CTNNA2: variants seen among roughly 807,000 people sequenced by gnomAD.
CTNNA2 encodes catenin alpha-2.
Under a neutral mutation model 101.0 loss-of-function variants are expected in CTNNA2, and 42 were observed. That is an observed-to-expected ratio of 0.42 (90% CI 0.32 to 0.54). The LOEUF (loss-of-function observed/expected upper bound fraction) is 0.54, where lower values mean the gene tolerates loss of function less well. Ranked by LOEUF, CTNNA2 falls within the 20% of genes least tolerant of loss-of-function variation. The pLI is 0.14. For synonymous variants in CTNNA2, 450 were observed against 456.4 expected (o/e 0.99, Z 0.18); for missense variants, 871 against 1,223.1 (o/e 0.71, Z 4.29).
At chr2:79,411,614 T>G (rs559682203) in intron 4 of CTNNA2, among the ~76,000 whole-genome samples, 1 of 152,068 alleles carries the variant, frequency 6.6e-6, no homozygotes, top group Non-Finnish European at 1.5e-5. Flanking sequence ...GAAAAGAATT[T>G]TCAACCCAGA....
At chr2:79,680,561 A>G (rs1683495868) in intron 2 of CTNNA2, among the ~76,000 whole-genome samples, 1 of 152,184 alleles carries the variant, frequency 6.6e-6, no homozygotes, top group Admixed American at 6.5e-5. Context: ...AGCTGCTGGG[A>G]GTCAGGACCT....
intron 2 of CTNNA2, among the ~76,000 whole-genome samples, chr2:79,275,928 A>T (rs775235469): frequency 1.3e-5 from 2 of 152,058 alleles, no homozygotes; most frequent in Admixed American, 1.3e-4. Context: ...GTGTTACAGA[A>T]GAAAGGAGCA....
chr2:80,516,686 T>C (rs2149564108), intron 9 of CTNNA2, among the ~76,000 whole-genome samples: 1 of 152,354 alleles, frequency 6.6e-6, no homozygotes, highest in East Asian at 1.9e-4. Flanking sequence ...GAAAACAGGA[T>C]TAACCATTCA....
At chr2:80,211,778 G>A (rs944840595) in intron 7 of CTNNA2, among the ~76,000 whole-genome samples, 2 of 152,132 alleles carry the variant, frequency 1.3e-5, no homozygotes, top group Admixed American at 1.3e-4. Context: ...GCTTGATGGG[G>A]ATGGCATTGA....
chr2:80,448,797 C>A (rs928779518), intron 9 of CTNNA2, among the ~76,000 whole-genome samples: 1 of 152,042 alleles, frequency 6.6e-6, no homozygotes. Flanking sequence ...CTTCAGAAAA[C>A]CTGGAACCTA....
rs545335248 is a variant in CTNNA2, at chr2:79,647,995, C to T, written c.-5-3557C>T. ...TAAGCACATTCCAAATGTCTACTCA[C>T]GTCATATTTCTTAACATTCCTCTAG... On this transcript the variant is annotated intron_variant, in intron 1 of 18. Coordinates refer to ENST00000402739, the MANE Select transcript of CTNNA2 (RefSeq NM_001282597.3). Among the ~76,000 whole-genome samples the T allele has an allele frequency of 9.9e-5, 15 of 152,268 alleles. 1 individual carries two copies. In the South Asian group the frequency reaches 3.1e-3, roughly 32 times the overall value.
chr2:79,346,755 T>C (rs1203631190), intron 3 of CTNNA2, among the ~76,000 whole-genome samples: 1 of 152,252 alleles, frequency 6.6e-6, no homozygotes, highest in Non-Finnish European at 1.5e-5. Flanking sequence ...ACAAGTATGT[T>C]ATCCTTAGTT....
chr2:79,517,936 C>T (rs1188544928), intron 1 of CTNNA2, among the ~76,000 whole-genome samples: 2 of 152,068 alleles, frequency 1.3e-5, no homozygotes, highest in African/African-American at 4.8e-5. Flanking sequence ...CAGGTATGTT[C>T]CCCATACGTG....
rs61029469 is a variant in CTNNA2 at position 79,536,574 on chromosome 2, A to AGTGTGTGT, written c.-6+23388_-6+23395dup. ...ATATACACCTAAATATCTCTAAAGA[A>AGTGTGTGT]GTGTGTGTGTGTGTGTGTGTGTGTG... On this transcript the variant is annotated intron_variant, in intron 1 of 18. Transcript: ENST00000402739. Among the ~76,000 whole-genome samples the AGTGTGTGT allele has an allele frequency of 0.01, 1,535 of 146,796 alleles. 79 individuals carry two copies. In the East Asian group the frequency reaches 0.14, roughly 13 times the overall value.
At chr2:79,936,942 C>A (rs1687832467) in intron 7 of CTNNA2, among the ~76,000 whole-genome samples, 1 of 152,118 alleles carries the variant, frequency 6.6e-6, no homozygotes, top group South Asian at 2.1e-4. Flanking sequence ...GCGAAAGAGC[C>A]ACTTTTCTTA....
chr2:79,930,348 GAAAGAA>G (rs1687355244), intron 7 of CTNNA2, among the ~76,000 whole-genome samples: 5 of 83,632 alleles, frequency 6.0e-5, no homozygotes, highest in Non-Finnish European at 1.1e-4. Flanking sequence ...AAGAAAGAAA[GAAAGAA>G]AGAATGAACA....
intron 1 of CTNNA2, among the ~76,000 whole-genome samples, chr2:79,533,852 TCATATATC>T (rs1280484386): frequency 6.6e-6 from 1 of 152,128 alleles, no homozygotes; most frequent in East Asian, 1.9e-4. Context: ...CACTTAAATA[TCATATATC>T]CATATATCCT....
chr2:79,360,784 A>T (rs940792570), intron 3 of CTNNA2, among the ~76,000 whole-genome samples: 5 of 152,156 alleles, frequency 3.3e-5, no homozygotes, highest in African/African-American at 4.8e-5. Flanking sequence ...AATCATAGCA[A>T]ATGTCTTTTT....
intron 11 of CTNNA2, among the ~76,000 whole-genome samples, chr2:80,548,332 G>C (rs1028637477): frequency 6.6e-6 from 1 of 152,054 alleles, no homozygotes; most frequent in African/African-American, 2.4e-5. Flanking sequence ...TTTCAGAGAG[G>C]AATCATTTTA....
At chr2:80,252,390 T>C (rs1033294931) in intron 7 of CTNNA2, among the ~76,000 whole-genome samples, 1 of 152,222 alleles carries the variant, frequency 6.6e-6, no homozygotes, top group African/African-American at 2.4e-5. Context: ...ATTTATTCCT[T>C]GCTTTGTGAG....
chr2:80,172,041 AATC>A lies in CTNNA2; in HGVS notation c.1057-221167_1057-221165del, dbSNP rs1157439429. ...GGTGCATGTAAAGCAGCAAGGGAGA[AATC>A]ATAGAAAAGGCAAGCCTAGCAGGAT... is the stretch of plus-strand genomic sequence containing the variant. On this transcript the variant is annotated intron_variant, in intron 7 of 18. Coordinates refer to ENST00000402739, the MANE Select transcript of CTNNA2 (RefSeq NM_001282597.3). 2.6e-5 allele frequency among the ~76,000 whole-genome samples: 4 copies of A among 152,280 alleles called. No homozygotes were observed. In the East Asian group the frequency reaches 5.8e-4, roughly 22 times the overall value.
chr2:79,533,843 A>G (rs999527074), intron 1 of CTNNA2, among the ~76,000 whole-genome samples: 19 of 152,136 alleles, frequency 1.2e-4, no homozygotes, highest in African/African-American at 4.3e-4. Context: ...ATTAAACTAC[A>G]CTTAAATATC....
At chr2:79,959,449 A>G (rs1289147382) in intron 7 of CTNNA2, among the ~76,000 whole-genome samples, 1 of 152,198 alleles carries the variant, frequency 6.6e-6, no homozygotes, top group Non-Finnish European at 1.5e-5. Flanking sequence ...AACAAGAAAC[A>G]TTGCCAGAAT....
intron 7 of CTNNA2, among the ~76,000 whole-genome samples, chr2:79,940,509 G>C (rs1688084722): frequency 6.6e-6 from 1 of 152,096 alleles, no homozygotes; most frequent in South Asian, 2.1e-4. Context: ...TGCTTCCTCT[G>C]CCTAGCAACC....
Sources: gnomAD v4.1 joint callset for allele counts (sites outside exome capture counted in the v4.1 genomes callset) on GRCh38, gnomAD v4.1.1 for gene constraint, MANE v1.5 for transcripts, NCBI Gene and HGNC (gene_info 2026-07-23, HGNC 2026-07-21) for gene names.